PCDHGA5: variants seen among roughly 807,000 people sequenced by gnomAD.
PCDHGA5 encodes protocadherin gamma-A5.
Under a neutral mutation model 56.7 loss-of-function variants are expected in PCDHGA5, and 36 were observed. The ratio of observed to expected loss-of-function variants is 0.64; its 90% CI spans 0.49 to 0.84. PCDHGA5 has a LOEUF of 0.84. PCDHGA5 is among the 40% of genes least tolerant of loss of function. The pLI, the probability that PCDHGA5 is intolerant of heterozygous loss-of-function variation, is 0.00. For synonymous variants in PCDHGA5, 563 were observed against 520.2 expected (o/e 1.08, Z -1.12); for missense variants, 1,305 against 1,201.5 (o/e 1.09, Z -1.27).
At chr5:141,421,434 C>T (rs1247535353) in intron 1 of PCDHGA5, 1 of 1,613,980 alleles carries the variant, frequency 6.2e-7, no homozygotes, top group Non-Finnish European at 8.5e-7. Context: ...GCATCGTCTC[C>T]AGAGGGAAGA....
In PCDHGA5 at chr5:141,366,731, AAAG is replaced by A. The variant is rs745983303; in HGVS notation, c.2407_2409del (p.Glu803del). On this transcript the variant is annotated inframe_deletion, in exon 1 of 4. Transcript: ENST00000518069. ...GATGTCTGATAAGGTAGATGCAAAC[AAAG>A]AAGAACGGCGAGTTCAGGTTAGTTT... 28 of 1,613,012 alleles carry A rather than the reference AAAG, an allele frequency of 1.7e-5. No homozygotes were observed. The highest frequency in any genetic ancestry group is 2.1e-5 in the Non-Finnish European group (25 of 1,179,082).
chr5:141,401,158 A>AT (rs1314149261), intron 1 of PCDHGA5, among the ~76,000 whole-genome samples: 1 of 152,194 alleles, frequency 6.6e-6, no homozygotes, highest in Non-Finnish European at 1.5e-5. Context: ...CCTGGGCAAT[A>AT]TGGTGAAAAC....
At chr5:141,504,986 AC>A (rs1225847397) in intron 2 of PCDHGA5, among the ~76,000 whole-genome samples, 4 of 151,936 alleles carry the variant, frequency 2.6e-5, no homozygotes, top group Non-Finnish European at 5.9e-5. Context: ...ACATGGTGAA[AC>A]CCCGTCTGTA....
chr5:141,369,839 G>A (rs1482165947), intron 1 of PCDHGA5, among the ~76,000 whole-genome samples: 6 of 152,096 alleles, frequency 3.9e-5, no homozygotes, highest in Non-Finnish European at 7.4e-5. Context: ...GATTTTCTAT[G>A]TATTATTTTA....
Position 141,404,830 on chromosome 5 carries a change from G to A in PCDHGA5, c.2421+38079G>A, listed in dbSNP as rs775106144. The A allele has an allele frequency of 3.7e-6, 6 of 1,613,932 alleles. No individual in the cohort carries two copies. In the East Asian group the frequency reaches 1.3e-4, roughly 36 times the overall value. ...CGGTGGGGCTGCACACAGGTGAAGT[G>A]CGCACAGCTCGGGCCCTGCTAGATA... On this transcript the variant is annotated intron_variant, in intron 1 of 3. Coordinates refer to ENST00000518069, the MANE Select transcript of PCDHGA5 (RefSeq NM_018918.3).
At chr5:141,369,977 G>T (rs1398752319) in intron 1 of PCDHGA5, among the ~76,000 whole-genome samples, 1 of 152,202 alleles carries the variant, frequency 6.6e-6, no homozygotes, top group African/African-American at 2.4e-5. Flanking sequence ...AAAGGTACTT[G>T]ATTTGGATGG....
intron 1 of PCDHGA5, among the ~76,000 whole-genome samples, chr5:141,450,951 A>G (rs1018018318): frequency 1.3e-5 from 2 of 151,732 alleles, no homozygotes; most frequent in Non-Finnish European, 2.9e-5. Context: ...CAGCCTCCCA[A>G]GTAGCTGGGA....
chr5:141,391,155 T>C (rs2092309201), intron 1 of PCDHGA5: 1 of 152,250 alleles, frequency 6.6e-6, no homozygotes, highest in Non-Finnish European at 1.5e-5. Context: ...GAAAGAAATA[T>C]AGTCTTGAAA....
intron 1 of PCDHGA5, chr5:141,403,589 A>G (rs1447316737): frequency 1.2e-6 from 2 of 1,613,812 alleles, no homozygotes; most frequent in East Asian, 2.2e-5. Context: ...CCTGGTCCTC[A>G]CGGCCTCGGA....
intron 1 of PCDHGA5, chr5:141,417,885 G>A (rs761442517): frequency 2.6e-6 from 4 of 1,562,806 alleles, no homozygotes; most frequent in Admixed American, 1.9e-5. Flanking sequence ...GCGCAGAGGC[G>A]CCGGGCCGGC....
chr5:141,460,027 G>A (rs1002703325), intron 1 of PCDHGA5, among the ~76,000 whole-genome samples: 3 of 152,088 alleles, frequency 2.0e-5, no homozygotes, highest in East Asian at 1.9e-4. Flanking sequence ...GCAGTGAGCC[G>A]AGACTGCACC....
chr5:141,372,057 C>T (rs1228775419), intron 1 of PCDHGA5: 3 of 1,613,552 alleles, frequency 1.9e-6, no homozygotes, highest in African/African-American at 2.7e-5. Context: ...GGTGGACGAC[C>T]GCAACGACAA....
chr5:141,510,958 G>A lies in PCDHGA5; in HGVS notation c.2581G>A (p.Gly861Arg). 6.2e-7 allele frequency: 1 copy of A among 1,614,130 alleles called. No homozygotes were observed. Among genetic ancestry groups the A allele is most frequent in the Non-Finnish European group, 8.5e-7 (1 of 1,180,012 alleles). The change falls in exon 4 of 4, where the codon GGG becomes AGG. Residue 861 changes from glycine to arginine, a missense_variant. Transcript: ENST00000518069. The stretch of plus-strand genomic sequence containing the variant: ...CTCTGTCTCTGCAGAAGCTGCTGAT[G>A]GGAGCTCCACCCTGGGAGGGGGTGC... ...ILASASEAAD[G>R]SSTLGGGAGT...
chr5:141,420,147 C>T lies in PCDHGA5; in HGVS notation c.2421+53396C>T, dbSNP rs1480828845. On this transcript the variant is annotated intron_variant, in intron 1 of 3. Transcript: ENST00000518069. Reference sequence around the variant, plus strand: ...TGTGTGCCTGGGGATCAAATGAATCCAGAATTTAATTTTTTCACATCTGTT... The same window carrying T: ...TGTGTGCCTGGGGATCAAATGAATCTAGAATTTAATTTTTTCACATCTGTT... The T allele has an allele frequency of 2.5e-6, 4 of 1,613,848 alleles. No individual in the cohort carries two copies. The East Asian group carries it at 8.9e-5, about 36-fold the overall frequency.
chr5:141,365,422 T>G lies in PCDHGA5; in HGVS notation c.1092T>G (p.Thr364=). ...TCTCTGAAGACTGTCTTCCCGGAAC[T>G]GTAATCGCGCTGTTTAGCGTACATG... is the stretch of plus-strand genomic sequence containing the variant. ...SSISEDCLPG[T]VIALFSVHDG... is the part of the protein sequence containing the mutation. The change falls in exon 1 of 4, where the codon ACT becomes ACG. Residue 364 remains threonine (T), a synonymous_variant. Transcript: ENST00000518069. The G allele has an allele frequency of 6.2e-7, 1 of 1,614,032 alleles. No individual in the cohort carries two copies. Among genetic ancestry groups the G allele is most frequent in the Non-Finnish European group, 8.5e-7 (1 of 1,179,890 alleles).
intron 1 of PCDHGA5, chr5:141,395,509 G>C (rs59251876): frequency 0.091 from 39,157 of 428,204 alleles, 2,522 homozygotes; most frequent in African/African-American, 0.18. Flanking sequence ...TTAAGAAGTA[G>C]CTACCCGTCC....
At chr5:141,387,649 G>T (rs1020449158) in intron 1 of PCDHGA5, 13 of 640,184 alleles carry the variant, frequency 2.0e-5, no homozygotes, top group Non-Finnish European at 3.1e-5. Context: ...TGGCCAAAGT[G>T]GAGAGCTTGG....
intron 2 of PCDHGA5, among the ~76,000 whole-genome samples, chr5:141,496,631 G>A (rs1434126210): frequency 6.6e-6 from 1 of 152,164 alleles, no homozygotes; most frequent in Admixed American, 6.5e-5. Context: ...CAAAAGGCTT[G>A]GGCTGCCCTT....
chr5:141,371,882 G>A, intron 1 of PCDHGA5: 2 of 1,613,432 alleles, frequency 1.2e-6, no homozygotes, highest in South Asian at 1.1e-5. Context: ...CCAGTGACCT[G>A]GAGCCGCGGG....
Sources: gnomAD v4.1 joint callset for allele counts (sites outside exome capture counted in the v4.1 genomes callset) on GRCh38, gnomAD v4.1.1 for gene constraint, MANE v1.5 for transcripts, NCBI Gene and HGNC (gene_info 2026-07-23, HGNC 2026-07-21) for gene names.